The following RALGAPA2 variants were observed in gnomAD, a reference collection of about 807,000 sequenced individuals.
RALGAPA2 encodes ral GTPase-activating protein subunit alpha-2.
In RALGAPA2, 139 loss-of-function variants were observed where a neutral mutation model predicts 230.4. The ratio of observed to expected loss-of-function variants is 0.60; its 90% CI spans 0.53 to 0.69. The LOEUF (loss-of-function observed/expected upper bound fraction) is 0.69. RALGAPA2 is among the 30% of genes least tolerant of loss of function. The probability of loss-of-function intolerance (pLI) is 0.00; values close to 1 mark genes in which losing one functional copy is unlikely to be tolerated. For missense variants in RALGAPA2, 2,163 were observed against 2,276.0 expected (o/e 0.95, Z 1.01); for synonymous variants, 847 against 837.8 (o/e 1.01, Z -0.19).
intron 10 of RALGAPA2, among the ~76,000 whole-genome samples, chr20:20,623,256 G>A (rs2066377001): frequency 6.6e-6 from 1 of 152,114 alleles, no homozygotes; most frequent in Non-Finnish European, 1.5e-5. Flanking sequence ...ATGGACGGGG[G>A]AGGCTGAAAG....
intron 3 of RALGAPA2, among the ~76,000 whole-genome samples, chr20:20,664,599 T>G (rs941983848): frequency 2.0e-5 from 3 of 152,218 alleles, no homozygotes; most frequent in African/African-American, 7.2e-5. Flanking sequence ...CTTCATTTCA[T>G]GCAAGTTTCT....
intron 36 of RALGAPA2, among the ~76,000 whole-genome samples, chr20:20,494,280 G>A (rs1239168690): frequency 6.6e-6 from 1 of 152,146 alleles, no homozygotes; most frequent in Non-Finnish European, 1.5e-5. Context: ...TCCTTCAGGA[G>A]AACAACTTGA....
At chr20:20,422,850 C>G (rs2060305359) in intron 37 of RALGAPA2, among the ~76,000 whole-genome samples, 1 of 152,172 alleles carries the variant, frequency 6.6e-6, no homozygotes, top group Admixed American at 6.5e-5. Flanking sequence ...TATGGAAAGA[C>G]AAGTGGACAA....
At chr20:20,703,196 A>G (rs955549961) in intron 1 of RALGAPA2, among the ~76,000 whole-genome samples, 2 of 152,160 alleles carry the variant, frequency 1.3e-5, no homozygotes, top group Admixed American at 1.3e-4. Context: ...GATTACAACT[A>G]TTTTTAAAAT....
chr20:20,503,281 T>C lies in RALGAPA2; in HGVS notation c.5208+70A>G, dbSNP rs562013792. On this transcript the variant is annotated intron_variant, in intron 35 of 39. Transcript: ENST00000202677. ...CTCAGTGTGCGTTCTACCCTTGTAT[T>C]TGTCTGTCCTAGGAGAGCCTCACCT... 79 of 1,289,170 alleles carry C rather than the reference T, an allele frequency of 6.1e-5. No individual in the cohort carries two copies. In the African/African-American group the frequency reaches 1.1e-3, roughly 18 times the overall value. 79.9% of individuals were successfully genotyped at this position (1,289,170 alleles called of 1,614,324 possible).
Position 20,640,728 on chromosome 20 carries a change from T to A in RALGAPA2, c.523A>T (p.Ile175Phe). 6.2e-7 allele frequency: 1 copy of A among 1,613,758 alleles called. No individual in the cohort carries two copies. The highest frequency in any genetic ancestry group is 8.5e-7 in the Non-Finnish European group (1 of 1,179,778). The part of the protein sequence containing the change: ...SRGPCTLETL[I>F]NPSPSVADVK... Reference sequence around the variant, plus strand: ...TCAGCTACACTAGGGCTGGGATTGATGAGTGTCTCCAGTGTGCAAGGGCCC... The same window carrying A: ...TCAGCTACACTAGGGCTGGGATTGAAGAGTGTCTCCAGTGTGCAAGGGCCC... Residue 175 changes from isoleucine (I) to phenylalanine (F), a missense_variant, in exon 6 of 40, where the codon ATC becomes TTC. Coordinates refer to ENST00000202677, the MANE Select transcript of RALGAPA2 (RefSeq NM_020343.4).
intron 7 of RALGAPA2, among the ~76,000 whole-genome samples, chr20:20,638,940 G>A (rs1181462563): frequency 6.6e-6 from 1 of 152,196 alleles, no homozygotes; most frequent in Admixed American, 6.5e-5. Flanking sequence ...GAAAGGAAGG[G>A]AGGAGAATTG....
At position 20,536,122 on chromosome 20, in the gene RALGAPA2, A is replaced by C. The variant is rs193261312; in HGVS notation, c.3415-319T>G. 5.3e-3 allele frequency among the ~76,000 whole-genome samples: 806 copies of C among 152,342 alleles called. 6 individuals are homozygous for C. Among genetic ancestry groups the C allele is most frequent in the African/African-American group, 0.018 (769 of 41,586 alleles). ...CAATTGAATTATATGTTGTACACTG[A>C]ATTATATACTGTAATTATGTTTTAT... On this transcript the variant is annotated intron_variant, in intron 25 of 39. Coordinates refer to ENST00000202677, the MANE Select transcript of RALGAPA2 (RefSeq NM_020343.4).
At chr20:20,495,990 G>A (rs989208458) in intron 35 of RALGAPA2, among the ~76,000 whole-genome samples, 6 of 152,180 alleles carry the variant, frequency 3.9e-5, no homozygotes, top group Admixed American at 3.9e-4. Flanking sequence ...TCAGGAAGGT[G>A]AAGGCACCAC....
At chr20:20,504,733 CA>C (rs1174990002) in intron 34 of RALGAPA2, among the ~76,000 whole-genome samples, 16 of 131,820 alleles carry the variant, frequency 1.2e-4, no homozygotes, top group Non-Finnish European at 9.9e-5. Context: ...TAAGAAAAGA[CA>C]AAAAAAAAAG....
rs995617558 is a variant in RALGAPA2 at position 20,712,275 on chromosome 20, TC to T, written c.106+99del. ...GGGGTCGGACGCCCACCCATCCCCC[TC>T]CCCAGCCTCCCAGCCACCGACCCCT... On this transcript the variant is annotated intron_variant, in intron 1 of 39. Coordinates refer to ENST00000202677, the MANE Select transcript of RALGAPA2 (RefSeq NM_020343.4). This position sits in a 1 kb window ranked among gnomAD's most constrained non-coding sequence, Gnocchi z 5.5. 14 of 328,622 alleles carry T rather than the reference TC, an allele frequency of 4.3e-5. No individual in the cohort carries two copies. Among genetic ancestry groups the T allele is most frequent in the African/African-American group, 3.0e-4 (12 of 39,668 alleles). 20.4% of individuals were successfully genotyped at this position (328,622 alleles called of 1,614,324 possible).
intron 24 of RALGAPA2, among the ~76,000 whole-genome samples, chr20:20,545,456 T>A (rs1248009084): frequency 6.6e-6 from 1 of 152,196 alleles, no homozygotes; most frequent in African/African-American, 2.4e-5. Context: ...AAAAAGTTAG[T>A]GTGTGAAAGC....
At chr20:20,470,152 T>G (rs1164240971) in intron 37 of RALGAPA2, among the ~76,000 whole-genome samples, 2 of 152,182 alleles carry the variant, frequency 1.3e-5, no homozygotes, top group South Asian at 2.1e-4. Flanking sequence ...AAATAAGAAC[T>G]GCTTTGATAT....
intron 23 of RALGAPA2, among the ~76,000 whole-genome samples, chr20:20,555,892 TTTTATTTCATTTTCTTACC>T (rs909121344): frequency 6.6e-6 from 1 of 152,188 alleles, no homozygotes; most frequent in Non-Finnish European, 1.5e-5. Context: ...TCTGAATGGC[TTTTATTTCATTTTCTTACC>T]TAAGTTCACT....
At chr20:20,571,634 CCAGATTAAATCAAGCCCAGGTGCAGAG>C in intron 22 of RALGAPA2, 21 bp from the exon 23 acceptor site, 1 of 1,602,304 alleles carries the variant, frequency 6.2e-7, no homozygotes, top group Non-Finnish European at 8.5e-7. Context: ...GATGATGTTT[CCAGATTAAATCAAGCCCAGGTGCAGAG>C]TATTTCAACA....
chr20:20,710,070 C>G (rs1455272100), intron 1 of RALGAPA2, among the ~76,000 whole-genome samples: 1 of 152,164 alleles, frequency 6.6e-6, no homozygotes, highest in South Asian at 2.1e-4. Flanking sequence ...GGTTCAGAGA[C>G]AGGCTACGTA....
In RALGAPA2 at chr20:20,573,002, G is replaced by C; in HGVS notation, c.2774C>G (p.Pro925Arg). ...IAGGSLTGWH[P>R]DSAAVLWRRV... ...TCGCCATAACACAGCAGCAGAGTCTGGGTGCCAACCAGTGAGGCTCCCCCC... is the reference window on the plus strand; with the variant it reads ...TCGCCATAACACAGCAGCAGAGTCTCGGTGCCAACCAGTGAGGCTCCCCCC... Residue 925 changes from proline to arginine, a missense_variant, in exon 21 of 40, where the codon CCA (proline) becomes CGA (arginine). Physicochemically the swap from Pro to Arg is moderately radical, Grantham distance 103 (BLOSUM62 -2). Coordinates refer to ENST00000202677, the MANE Select transcript of RALGAPA2 (RefSeq NM_020343.4). 6.2e-7 allele frequency: 1 copy of C among 1,610,698 alleles called. No individual in the cohort carries two copies. Among genetic ancestry groups the C allele is most frequent in the Non-Finnish European group, 8.5e-7 (1 of 1,178,534 alleles).
intron 23 of RALGAPA2, among the ~76,000 whole-genome samples, chr20:20,565,379 T>C (rs1247014236): frequency 1.3e-5 from 2 of 152,238 alleles, no homozygotes; most frequent in Admixed American, 6.5e-5. Context: ...GACTGCATGA[T>C]ACAGGCTGTC....
intron 23 of RALGAPA2, among the ~76,000 whole-genome samples, chr20:20,570,048 C>T (rs1381512729): frequency 6.6e-6 from 1 of 152,112 alleles, no homozygotes; most frequent in Non-Finnish European, 1.5e-5. Flanking sequence ...AAGATGCTTC[C>T]ACTTGCAATG....
Sources: allele counts gnomAD v4.1 joint callset (sites outside exome capture counted in the v4.1 genomes callset), GRCh38; gene constraint gnomAD v4.1.1; non-coding constraint Gnocchi (gnomAD v3.1); transcripts MANE v1.5; gene names NCBI Gene and HGNC (gene_info 2026-07-23, HGNC 2026-07-21).